The following VTA1 variants were observed in gnomAD, a reference collection of about 807,000 sequenced individuals.
VTA1 encodes the protein vesicle trafficking 1.
A neutral mutation model predicts 36.9 loss-of-function variants in VTA1; 24 were observed. The observed-to-expected ratio is 0.65, with a 90% CI of 0.47 to 0.91. VTA1 has a LOEUF of 0.91. Ranked by LOEUF, VTA1 falls within the 40% of genes least tolerant of loss-of-function variation. The pLI is 0.00. For missense variants in VTA1, 393 were observed against 377.2 expected, an observed-to-expected ratio of 1.04 and a Z score of -0.35; for synonymous variants, 142 against 130.2, an observed-to-expected ratio of 1.09 and a Z score of -0.62.
chr6:142,159,667 C>T (rs534811051), intron 1 of VTA1, among the ~76,000 whole-genome samples: 1 of 151,648 alleles, frequency 6.6e-6, no homozygotes, highest in African/African-American at 2.4e-5. Flanking sequence ...GTGCCTGCCA[C>T]CACACCCAGC....
rs1259339158 is a variant in VTA1 at position 142,224,396 on chromosome 6, T to C, written c.*5753T>C. On this transcript the variant is annotated 3_prime_UTR_variant, in exon 8 of 8. Coordinates refer to ENST00000367630, the MANE Select transcript of VTA1 (RefSeq NM_016485.5). ...TCTATTGTGCCATGCTTATATATTT[T>C]CTGTATACAATGCTTTCTGTATAAA... 1 of 152,250 alleles carries C rather than the reference T, an allele frequency of 6.6e-6. No homozygotes were observed. The highest frequency in any genetic ancestry group is 1.5e-5 in the Non-Finnish European group (1 of 68,056). The allele number at this position is 152,250 out of a possible 1,614,324, so 9.4% of individuals were successfully genotyped here.
rs971054159 is a variant in VTA1, at chr6:142,220,908, A to G, written c.*2265A>G. The G allele has an allele frequency of 6.6e-6, 1 of 152,062 alleles. No homozygotes were observed. Among genetic ancestry groups the G allele is most frequent in the African/African-American group, 2.4e-5 (1 of 41,408 alleles). 9.4% of individuals were successfully genotyped at this position (152,062 alleles called of 1,614,324 possible). ...CCCTCCCTCATAGAGTTTACATTCT[A>G]AAAGGGAGGAAATAGATAATAAAAT... On this transcript the variant is annotated 3_prime_UTR_variant, in exon 8 of 8. Coordinates refer to ENST00000367630, the MANE Select transcript of VTA1 (RefSeq NM_016485.5).
At chr6:142,216,393 G>A (rs746384259) in intron 7 of VTA1, among the ~76,000 whole-genome samples, 3 of 152,010 alleles carry the variant, frequency 2.0e-5, no homozygotes, top group Non-Finnish European at 2.9e-5. Flanking sequence ...ATAAAGGAGA[G>A]CCTATGTGTT....
At chr6:142,188,225 CTTTTT>C (rs200348683) in intron 4 of VTA1, among the ~76,000 whole-genome samples, 3 of 78,924 alleles carry the variant, frequency 3.8e-5, no homozygotes, top group African/African-American at 9.7e-5. Context: ...TTCTTTATTT[CTTTTT>C]TTTTTTTTTT....
rs1442046688 is a variant in VTA1, at chr6:142,220,528, A to G, written c.*1885A>G. The G allele has an allele frequency of 6.6e-6, 1 of 152,184 alleles. No individual in the cohort carries two copies. Among genetic ancestry groups the G allele is most frequent in the African/African-American group, 2.4e-5 (1 of 41,440 alleles). 9.4% of individuals were successfully genotyped at this position (152,184 alleles called of 1,614,324 possible). A position where few individuals can be genotyped will look rare whatever the true frequency, so the allele number is the denominator to read the frequency against. The stretch of plus-strand genomic sequence containing the variant: ...AATAGTTACAAGAATTAAAAGAGAT[A>G]CAGTACCTGAAGTGCTTAGCGCATG... On this transcript the variant is annotated 3_prime_UTR_variant, in exon 8 of 8. Coordinates refer to ENST00000367630, the MANE Select transcript of VTA1 (RefSeq NM_016485.5).
At chr6:142,189,586 C>T in intron 5 of VTA1, 52 bp downstream of exon 5, 2 of 1,447,748 alleles carry the variant, frequency 1.4e-6, no homozygotes, top group Non-Finnish European at 1.9e-6. Flanking sequence ...CATAATTATT[C>T]AGTAGATTAC....
chr6:142,215,541 A>G lies in VTA1; in HGVS notation c.779-2957A>G, dbSNP rs150043782. Among the ~76,000 whole-genome samples, 284 of 152,220 alleles carry G rather than the reference A, an allele frequency of 1.9e-3. 3 individuals are homozygous for G. The highest frequency in any genetic ancestry group is 6.3e-3 in the African/African-American group (260 of 41,546). ...AATTCTGCCTGTATTCATAACTACT[A>G]TTGTTGGAATTGTTAAGTGACATGT... On this transcript the variant is annotated intron_variant, in intron 7 of 7. Coordinates refer to ENST00000367630, the MANE Select transcript of VTA1 (RefSeq NM_016485.5).
intron 4 of VTA1, among the ~76,000 whole-genome samples, chr6:142,180,059 A>G (rs1202766242): frequency 3.3e-5 from 5 of 152,218 alleles, no homozygotes; most frequent in African/African-American, 9.6e-5. Context: ...TAATATGTAT[A>G]CTATAGTTTG....
intron 2 of VTA1, among the ~76,000 whole-genome samples, chr6:142,167,828 A>G (rs887217958): frequency 1.3e-5 from 2 of 152,160 alleles, no homozygotes; most frequent in African/African-American, 4.8e-5. Context: ...TTTCTAGGGA[A>G]TGGGTTGGGG....
chr6:142,188,954 A>C (rs1448904914), intron 4 of VTA1, among the ~76,000 whole-genome samples: 1 of 152,194 alleles, frequency 6.6e-6, no homozygotes, highest in East Asian at 1.9e-4. Flanking sequence ...AGTCAGGTTT[A>C]CCTGCCTATC....
chr6:142,220,657 C>G lies in VTA1; in HGVS notation c.*2014C>G, dbSNP rs1203449083. 3.3e-5 allele frequency: 5 copies of G among 151,856 alleles called. No homozygotes were observed. Among genetic ancestry groups the G allele is most frequent in the African/African-American group, 1.2e-4 (5 of 41,330 alleles). The allele number at this position is 151,856 out of a possible 1,614,324, so 9.4% of individuals were successfully genotyped here. ...AGGAAATCCCAGTTGTCTATGTGGCCCAGTGCTTAAAAACGCCTTCTTGCA... is the reference window on the plus strand; with the variant it reads ...AGGAAATCCCAGTTGTCTATGTGGCGCAGTGCTTAAAAACGCCTTCTTGCA... On this transcript the variant is annotated 3_prime_UTR_variant, in exon 8 of 8. Transcript: ENST00000367630.
chr6:142,152,105 T>A (rs1261870720), intron 1 of VTA1, among the ~76,000 whole-genome samples: 1 of 143,242 alleles, frequency 7.0e-6, no homozygotes, highest in Non-Finnish European at 1.5e-5. Flanking sequence ...TATTTGTTAT[T>A]ACTATTTTTT....
rs1442720980 is a variant in VTA1, at chr6:142,221,494, G to A, written c.*2851G>A. The A allele has an allele frequency of 6.6e-6, 1 of 152,070 alleles. No individual in the cohort carries two copies. The highest frequency in any genetic ancestry group is 6.6e-5 in the Admixed American group (1 of 15,238). 9.4% of individuals were successfully genotyped at this position (152,070 alleles called of 1,614,324 possible). On this transcript the variant is annotated 3_prime_UTR_variant, in exon 8 of 8. Coordinates refer to ENST00000367630, the MANE Select transcript of VTA1 (RefSeq NM_016485.5). ...GGAGCTAAAAGCTTAGGATCATAAAGCTTTTTTGTAAGACACTTGACTGGG... is the reference window on the plus strand; with the variant it reads ...GGAGCTAAAAGCTTAGGATCATAAAACTTTTTTGTAAGACACTTGACTGGG...
chr6:142,190,436 GT>G (rs985306768), intron 5 of VTA1, among the ~76,000 whole-genome samples: 1 of 150,430 alleles, frequency 6.6e-6, no homozygotes, highest in Non-Finnish European at 1.5e-5. Context: ...ACCTGGCTAT[GT>G]TTTTTTTTAA....
At chr6:142,155,091 C>T (rs1226389324) in intron 1 of VTA1, among the ~76,000 whole-genome samples, 1 of 152,070 alleles carries the variant, frequency 6.6e-6, no homozygotes, top group Non-Finnish European at 1.5e-5. Context: ...TTCATTTCTA[C>T]TGTATTTTGA....
chr6:142,155,915 A>G (rs1778653270), intron 1 of VTA1, among the ~76,000 whole-genome samples: 1 of 152,186 alleles, frequency 6.6e-6, no homozygotes, highest in African/African-American at 2.4e-5. Flanking sequence ...AAACTGAGGA[A>G]GGCTTACACT....
intron 4 of VTA1, among the ~76,000 whole-genome samples, chr6:142,186,028 A>G (rs1775332740): frequency 6.6e-6 from 1 of 152,184 alleles, no homozygotes; most frequent in Non-Finnish European, 1.5e-5. Flanking sequence ...TATAATTATA[A>G]ACTATGATAA....
At chr6:142,209,527 C>T (rs1775858726) in intron 7 of VTA1, among the ~76,000 whole-genome samples, 1 of 149,758 alleles carries the variant, frequency 6.7e-6, no homozygotes, top group South Asian at 2.1e-4. Flanking sequence ...TATAATATTC[C>T]ATTGTATATA....
intron 7 of VTA1, among the ~76,000 whole-genome samples, chr6:142,206,795 G>C (rs78487490): frequency 6.6e-6 from 1 of 152,022 alleles, no homozygotes; most frequent in Non-Finnish European, 1.5e-5. Context: ...TACAGAAAAA[G>C]TCATATGATC....
Sources: gnomAD v4.1 joint callset for allele counts (sites outside exome capture counted in the v4.1 genomes callset) on GRCh38, gnomAD v4.1.1 for gene constraint, MANE v1.5 for transcripts, NCBI Gene and HGNC (gene_info 2026-07-23, HGNC 2026-07-21) for gene names.